ADGRB3: variants seen among roughly 807,000 people sequenced by gnomAD.
The protein encoded by ADGRB3 is brain-specific angiogenesis inhibitor 3.
In ADGRB3, 37 loss-of-function variants were observed where a neutral mutation model predicts 193.4. The ratio of observed to expected loss-of-function variants is 0.19; its 90% CI spans 0.15 to 0.25. ADGRB3 has a LOEUF of 0.25. ADGRB3 is among the 10% of genes least tolerant of loss of function. The pLI, the probability that ADGRB3 is intolerant of heterozygous loss-of-function variation, is 1.00. For missense variants in ADGRB3, 1,637 were observed against 1,852.9 expected (o/e 0.88, Z 2.14); for synonymous variants, 690 against 644.2 (o/e 1.07, Z -1.08).
intron 3 of ADGRB3, among the ~76,000 whole-genome samples, chr6:68,885,677 T>G (rs1765887370): frequency 6.6e-6 from 1 of 152,150 alleles, no homozygotes; most frequent in South Asian, 2.1e-4. Context: ...GGGGATTGGA[T>G]ACAGAAAGGG....
At chr6:69,322,345 T>G (rs1188622789) in intron 20 of ADGRB3, among the ~76,000 whole-genome samples, 1 of 151,942 alleles carries the variant, frequency 6.6e-6, no homozygotes, top group African/African-American at 2.4e-5. Flanking sequence ...ATAGAAAAAT[T>G]TATATTCTGT....
intron 12 of ADGRB3, among the ~76,000 whole-genome samples, chr6:69,017,193 T>C (rs1277861525): frequency 6.6e-6 from 1 of 151,948 alleles, no homozygotes; most frequent in East Asian, 1.9e-4. Flanking sequence ...TACTGCCTGA[T>C]TTTTAGACGG....
At chr6:68,849,350 C>A (rs80014188) in intron 3 of ADGRB3, among the ~76,000 whole-genome samples, 13,662 of 147,918 alleles carry the variant, frequency 0.092, 796 homozygotes, top group Non-Finnish European at 0.13. Context: ...ATTTACAATT[C>A]AAAAAAAAAA....
chr6:69,258,585 A>G lies in ADGRB3; in HGVS notation c.2814+19359A>G, dbSNP rs115564337. Among the ~76,000 whole-genome samples the G allele has an allele frequency of 4.0e-3, 604 of 152,386 alleles. 4 individuals carry two copies. Among genetic ancestry groups the G allele is most frequent in the African/African-American group, 0.013 (540 of 41,594 alleles). The stretch of plus-strand genomic sequence containing the variant: ...TTACAGCCATTTTTCTAATGACAAA[A>G]TGGTGTATAGTCCAGAGCTTCAAAG... On this transcript the variant is annotated intron_variant, in intron 20 of 31. Coordinates refer to ENST00000370598, the MANE Select transcript of ADGRB3 (RefSeq NM_001704.3).
chr6:69,284,369 C>T (rs1767504524), intron 20 of ADGRB3, among the ~76,000 whole-genome samples: 2 of 152,200 alleles, frequency 1.3e-5, no homozygotes, highest in African/African-American at 2.4e-5. Context: ...TAATTGATCC[C>T]TGTTGTGTTC....
chr6:68,926,877 C>G (rs1454681065), intron 3 of ADGRB3, among the ~76,000 whole-genome samples: 1 of 152,064 alleles, frequency 6.6e-6, no homozygotes, highest in East Asian at 1.9e-4. Flanking sequence ...TAATGATCTA[C>G]TTACATATTC....
intron 3 of ADGRB3, among the ~76,000 whole-genome samples, chr6:68,688,386 A>C (rs969888835): frequency 6.6e-6 from 1 of 152,132 alleles, no homozygotes; most frequent in African/African-American, 2.4e-5. Flanking sequence ...AATATTCTAT[A>C]TTCTAAGATA....
At chr6:69,239,329 C>A in intron 20 of ADGRB3, 103 bp downstream of exon 20, 1 of 820,926 alleles carries the variant, frequency 1.2e-6, no homozygotes. Flanking sequence ...GAACTTCTGA[C>A]AAAATTATAT....
Position 68,639,243 on chromosome 6 carries a change from G to A in ADGRB3, c.568G>A (p.Gly190Arg). The A allele has an allele frequency of 6.2e-7, 1 of 1,614,128 alleles. No individual in the cohort carries two copies. The highest frequency in any genetic ancestry group is 8.5e-7 in the Non-Finnish European group (1 of 1,180,028). Reference protein sequence around the residue: ...KSENGRTESCGIMYTKCTCPQ... With the variant: ...KSENGRTESCRIMYTKCTCPQ... ...AGAAAATGGGAGAACAGAATCATGT[G>A]GGATCATGTATACAAAATGCACCTG... is the stretch of plus-strand genomic sequence containing the variant. Residue 190 changes from glycine (G) to arginine (R), a missense_variant, in exon 3 of 32, where the codon GGG (glycine) becomes AGG (arginine). Gly to Arg is a moderately radical substitution (Grantham distance 125). Around this residue, in one of 7 missense-constraint regions of ADGRB3, gnomAD observed 365 missense variants for 409.8 expected, o/e 0.89. Coordinates refer to ENST00000370598, the MANE Select transcript of ADGRB3 (RefSeq NM_001704.3).
intron 3 of ADGRB3, among the ~76,000 whole-genome samples, chr6:68,772,894 A>AAAAATATATATATAT (rs1466813173): frequency 8.7e-5 from 2 of 22,884 alleles, no homozygotes; most frequent in African/African-American, 3.9e-4. Flanking sequence ...AAAAAAAAAA[A>AAAAATATATATATAT]ATATATATAT....
Position 68,852,984 on chromosome 6 carries a change from A to G in ADGRB3, c.758-77575A>G, listed in dbSNP as rs193052156. ...TAGAATACTAAATGATGAGCCATAT[A>G]TACTGCTCAGCAGCAAAAATGTCCT... On this transcript the variant is annotated intron_variant, in intron 3 of 31. Transcript: ENST00000370598. Among the ~76,000 whole-genome samples the G allele has an allele frequency of 2.2e-3, 342 of 152,204 alleles. 3 individuals are homozygous for G. Among genetic ancestry groups the G allele is most frequent in the African/African-American group, 7.7e-3 (320 of 41,586 alleles).
rs971240036 is a variant in ADGRB3 at position 69,280,928 on chromosome 6, T to A, written c.2814+41702T>A. Among the ~76,000 whole-genome samples, 3 of 152,146 alleles carry A rather than the reference T, an allele frequency of 2.0e-5. No homozygotes were observed. The South Asian group carries it at 6.2e-4, about 32-fold the overall frequency. ...TAATTCGCTGTAACAGGAAACAGAA[T>A]CTCATTAGGATCTGCTTTCTATCAA... On this transcript the variant is annotated intron_variant, in intron 20 of 31. Coordinates refer to ENST00000370598, the MANE Select transcript of ADGRB3 (RefSeq NM_001704.3).
intron 17 of ADGRB3, among the ~76,000 whole-genome samples, chr6:69,231,537 C>T (rs1239183825): frequency 1.4e-5 from 2 of 143,210 alleles, no homozygotes; most frequent in Admixed American, 1.4e-4. Context: ...GAGATAAATG[C>T]TTTTCATTTG....
intron 3 of ADGRB3, among the ~76,000 whole-genome samples, chr6:68,649,160 T>C (rs1337396432): frequency 6.6e-6 from 1 of 152,166 alleles, no homozygotes; most frequent in Non-Finnish European, 1.5e-5. Flanking sequence ...ATAAATTTTC[T>C]CACTCCCTCT....
At chr6:69,361,806 G>GTTAA (rs1554203505) in intron 29 of ADGRB3, among the ~76,000 whole-genome samples, 5 of 150,806 alleles carry the variant, frequency 3.3e-5, no homozygotes, top group Middle Eastern at 6.3e-3. Context: ...TGGGAACTAA[G>GTTAA]GCACTCATAA....
chr6:68,970,924 G>A (rs1768542617), intron 8 of ADGRB3, among the ~76,000 whole-genome samples: 1 of 152,188 alleles, frequency 6.6e-6, no homozygotes, highest in Admixed American at 6.5e-5. Context: ...CAAGATTGTA[G>A]TACCATTAGC....
intron 13 of ADGRB3, among the ~76,000 whole-genome samples, chr6:69,044,204 GTC>G (rs1186245033): frequency 6.6e-6 from 1 of 152,074 alleles, no homozygotes; most frequent in Non-Finnish European, 1.5e-5. Context: ...TTATATTTTG[GTC>G]TTTGTCCAAT....
rs906018743 is a variant in ADGRB3 at position 68,843,681 on chromosome 6, G to A, written c.758-86878G>A. Reference sequence around the variant, plus strand: ...AAATAGAAAAAAAAAATCCTAAAATGTGTATGGAACAACAAAAGACTCAGA... The same window carrying A: ...AAATAGAAAAAAAAAATCCTAAAATATGTATGGAACAACAAAAGACTCAGA... On this transcript the variant is annotated intron_variant, in intron 3 of 31. Coordinates refer to ENST00000370598, the MANE Select transcript of ADGRB3 (RefSeq NM_001704.3). 5.3e-5 allele frequency among the ~76,000 whole-genome samples: 8 copies of A among 151,782 alleles called. No individual in the cohort carries two copies. In the East Asian group the frequency reaches 7.7e-4, roughly 15 times the overall value.
At chr6:69,000,958 A>G (rs907019372) in intron 11 of ADGRB3, among the ~76,000 whole-genome samples, 4 of 152,236 alleles carry the variant, frequency 2.6e-5, no homozygotes, top group Non-Finnish European at 4.4e-5. Context: ...TAAGTACCAC[A>G]TAATACCATT....
Sources: gnomAD v4.1 joint callset for allele counts (sites outside exome capture counted in the v4.1 genomes callset) on GRCh38, gnomAD v4.1.1 for gene constraint, gnomAD v4.1.1 regional missense constraint, MANE v1.5 for transcripts, NCBI Gene and HGNC (gene_info 2026-07-23, HGNC 2026-07-21) for gene names.